The following COL4A1 variants were observed in gnomAD, a reference collection of about 807,000 sequenced individuals.
COL4A1 encodes the protein collagen type IV alpha 1 chain.
Under a neutral mutation model 216.6 loss-of-function variants are expected in COL4A1, and 40 were observed. The ratio of observed to expected loss-of-function variants is 0.18; its 90% CI spans 0.14 to 0.24. The LOEUF is 0.24. Ranked by LOEUF, COL4A1 falls within the 10% of genes least tolerant of loss-of-function variation. The probability of loss-of-function intolerance (pLI) is 1.00; values close to 1 mark genes in which losing one functional copy is unlikely to be tolerated. For missense variants in COL4A1, 1,628 were observed against 2,196.8 expected (o/e 0.74, Z 5.18); for synonymous variants, 839 against 810.7 (o/e 1.03, Z -0.59).
intron 1 of COL4A1, among the ~76,000 whole-genome samples, chr13:110,282,753 G>A (rs968972386): frequency 1.3e-5 from 2 of 152,090 alleles, no homozygotes; most frequent in Non-Finnish European, 2.9e-5. Flanking sequence ...GACCTGTTTT[G>A]GGGCACCTGT....
At chr13:110,193,709 C>T (rs1878750490) in intron 22 of COL4A1, among the ~76,000 whole-genome samples, 1 of 152,242 alleles carries the variant, frequency 6.6e-6, no homozygotes, top group Non-Finnish European at 1.5e-5. Flanking sequence ...CCCTGGGATG[C>T]CCCTCAGTCA....
intron 2 of COL4A1, among the ~76,000 whole-genome samples, chr13:110,236,090 T>C (rs998758888): frequency 2.0e-5 from 3 of 152,234 alleles, no homozygotes; most frequent in Admixed American, 2.0e-4. Context: ...TAATGTTAGA[T>C]TCTAAGGCAC....
chr13:110,201,360 A>AGAGAAGGAGGGG, intron 19 of COL4A1, 78 bp downstream of exon 19: 1 of 833,752 alleles, frequency 1.2e-6, no homozygotes, highest in Non-Finnish European at 1.7e-6. Context: ...AGGAGGAGGA[A>AGAGAAGGAGGGG]GAGGACGAGG....
intron 1 of COL4A1, among the ~76,000 whole-genome samples, chr13:110,254,305 G>T (rs1882417111): frequency 6.6e-6 from 1 of 152,170 alleles, no homozygotes; most frequent in Admixed American, 6.5e-5. Context: ...AGGTTTACTG[G>T]ACGGCTAGCA....
At chr13:110,303,248 T>C (rs941442945) in intron 1 of COL4A1, among the ~76,000 whole-genome samples, 1 of 152,140 alleles carries the variant, frequency 6.6e-6, no homozygotes, top group Non-Finnish European at 1.5e-5. Flanking sequence ...AAGGCACTCC[T>C]GACTAGAATC....
chr13:110,176,212 T>C (rs1356478864), intron 36 of COL4A1, among the ~76,000 whole-genome samples: 3 of 152,202 alleles, frequency 2.0e-5, no homozygotes, highest in African/African-American at 7.2e-5. Context: ...TTCCATTAGA[T>C]GGTGAGTTTT....
At chr13:110,276,111 C>T (rs563361530) in intron 1 of COL4A1, among the ~76,000 whole-genome samples, 4 of 152,080 alleles carry the variant, frequency 2.6e-5, no homozygotes, top group Admixed American at 1.3e-4. Flanking sequence ...GCCAATGACC[C>T]ACTCTGGTGC....
chr13:110,228,182 A>G (rs1448262011), intron 2 of COL4A1, among the ~76,000 whole-genome samples: 1 of 142,688 alleles, frequency 7.0e-6, no homozygotes, highest in Non-Finnish European at 1.5e-5. Flanking sequence ...ATGCTTCCAG[A>G]GCTGACACCC....
intron 1 of COL4A1, among the ~76,000 whole-genome samples, chr13:110,271,621 A>C: frequency 6.6e-6 from 1 of 152,148 alleles, no homozygotes; most frequent in East Asian, 1.9e-4. Context: ...CCACATACAC[A>C]CAGAAAGACT....
intron 49 of COL4A1, among the ~76,000 whole-genome samples, chr13:110,160,198 T>C (rs1039023520): frequency 6.7e-5 from 8 of 118,772 alleles, no homozygotes; most frequent in African/African-American, 2.9e-4. Context: ...ATCCCAGCAC[T>C]TTGGGAGGCC....
rs1055738385 is a variant in COL4A1, at chr13:110,152,489, T to C, written c.4773A>G (p.Ala1591=). The change falls in exon 51 of 52, where the codon GCA becomes GCG. Residue 1591 remains alanine (A), a synonymous_variant. Coordinates refer to ENST00000375820, the MANE Select transcript of COL4A1 (RefSeq NM_001845.6). ...YSFVMHTSAG[A]EGSGQALASP... ...ACGCCAGGGCTTGGCCAGAGCCTTC[T>C]GCACCAGCGCTGGTGTGCTGCAGAA... 1.2e-6 allele frequency: 2 copies of C among 1,612,844 alleles called. No homozygotes were observed. Among genetic ancestry groups the C allele is most frequent in the South Asian group, 2.2e-5 (2 of 90,948 alleles).
intron 2 of COL4A1, among the ~76,000 whole-genome samples, chr13:110,217,219 G>A (rs1880131149): frequency 6.6e-6 from 1 of 152,260 alleles, no homozygotes; most frequent in South Asian, 2.1e-4. Flanking sequence ...CGACCAGCAT[G>A]CAGTATGGGG....
intron 21 of COL4A1, among the ~76,000 whole-genome samples, 156 bp from the exon 22 acceptor site, chr13:110,195,274 A>G (rs1878834724): frequency 6.6e-6 from 1 of 152,178 alleles, no homozygotes; most frequent in African/African-American, 2.4e-5. Flanking sequence ...GCTATCCACC[A>G]CTTGCAAAAC....
At chr13:110,166,649 A>T (rs549088703) in intron 44 of COL4A1, among the ~76,000 whole-genome samples, 99 of 152,330 alleles carry the variant, frequency 6.5e-4, no homozygotes, top group African/African-American at 2.2e-3. Context: ...TCTAGAACCC[A>T]GAAGCTACAT....
intron 29 of COL4A1, among the ~76,000 whole-genome samples, chr13:110,180,320 G>A (rs1323645630): frequency 6.6e-6 from 1 of 152,236 alleles, no homozygotes; most frequent in Non-Finnish European, 1.5e-5. Flanking sequence ...TAGGTTATCA[G>A]GGGAAGCTGG....
Position 110,150,062 on chromosome 13 carries a change from T to A in COL4A1, c.*301A>T, listed in dbSNP as rs1157788289. The stretch of plus-strand genomic sequence containing the variant: ...ACCCACACCTCCTAGCACCCTTTGG[T>A]TTTCTGATGGAGTTCTCACTTCACA... On this transcript the variant is annotated 3_prime_UTR_variant, in exon 52 of 52. Transcript: ENST00000375820. 2.4e-6 allele frequency: 1 copy of A among 425,092 alleles called. No individual in the cohort carries two copies. Among genetic ancestry groups the A allele is most frequent in the Non-Finnish European group, 4.4e-6 (1 of 226,370 alleles). 26.3% of individuals were successfully genotyped at this position (425,092 alleles called of 1,614,324 possible).
At chr13:110,199,454 C>T (rs570897140) in intron 20 of COL4A1, among the ~76,000 whole-genome samples, 5 of 152,210 alleles carry the variant, frequency 3.3e-5, no homozygotes, top group East Asian at 1.9e-4. Flanking sequence ...ACAAGCACAA[C>T]GTGCTCCAAG....
intron 1 of COL4A1, among the ~76,000 whole-genome samples, chr13:110,266,476 G>T (rs1432016618): frequency 1.3e-5 from 2 of 152,164 alleles, no homozygotes; most frequent in African/African-American, 4.8e-5. Flanking sequence ...CTGGATGGGG[G>T]TAAGAAAACC....
chr13:110,242,524 C>G (rs1045023878), intron 2 of COL4A1, 151 bp downstream of exon 2: 1 of 832,968 alleles, frequency 1.2e-6, no homozygotes, highest in Non-Finnish European at 2.1e-6. Context: ...TAATGTCAAG[C>G]CTGGTTTGGC....
Sources: gnomAD v4.1 joint callset for allele counts (sites outside exome capture counted in the v4.1 genomes callset) on GRCh38, gnomAD v4.1.1 for gene constraint, MANE v1.5 for transcripts, NCBI Gene and HGNC (gene_info 2026-07-23, HGNC 2026-07-21) for gene names.